Variants in SV2C observed in about 807,000 individuals in gnomAD.
The protein encoded by SV2C is solute carrier family 22 member B3.
In SV2C, 49 loss-of-function variants were observed where a neutral mutation model predicts 79.7. The observed-to-expected ratio is 0.61, with a 90% CI of 0.49 to 0.78. SV2C has a LOEUF of 0.78. SV2C is among the 30% of genes least tolerant of loss of function. The pLI is 0.00. For missense variants in SV2C, 833 were observed against 912.9 expected (o/e 0.91, Z 1.13); for synonymous variants, 334 against 333.2 (o/e 1.00, Z -0.03).
At chr5:76,205,317 A>G (rs1418380047) in intron 3 of SV2C, among the ~76,000 whole-genome samples, 1 of 152,130 alleles carries the variant, frequency 6.6e-6, no homozygotes, top group Non-Finnish European at 1.5e-5. Flanking sequence ...TTAAGGAATA[A>G]CTCCAACTCT....
the SV2C span, among the ~76,000 whole-genome samples, chr5:76,049,013 AAGAAAG>A: frequency 9.3e-6 from 1 of 107,372 alleles, no homozygotes; most frequent in African/African-American, 3.2e-5. Context: ...GAAAGAAAGA[AAGAAAG>A]AAAGAAAAAG....
At chr5:75,984,567 A>ATATCTATC in the SV2C span, among the ~76,000 whole-genome samples, 1,091 of 102,856 alleles carry the variant, frequency 0.011, 9 homozygotes, top group African/African-American at 0.016. Context: ...CTATCTATCT[A>ATATCTATC]TATCTATCTA....
chr5:75,954,567 T>C, the SV2C span, among the ~76,000 whole-genome samples: 1 of 150,332 alleles, frequency 6.7e-6, no homozygotes, highest in Admixed American at 6.6e-5. Context: ...GAGAAGGAAA[T>C]AAAGGGTATT....
chr5:76,108,155 A>G (rs1392473711), intron 1 of SV2C, among the ~76,000 whole-genome samples: 1 of 152,198 alleles, frequency 6.6e-6, no homozygotes, highest in Non-Finnish European at 1.5e-5. Flanking sequence ...ATTGACAGAG[A>G]GTGGGGAATC....
rs188267131 is a variant in SV2C at position 76,164,940 on chromosome 5, T to C, written c.581-29979T>C. 1.1e-3 allele frequency among the ~76,000 whole-genome samples: 165 copies of C among 152,288 alleles called. 1 individual carries two copies. Among genetic ancestry groups the C allele is most frequent in the Admixed American group, 2.0e-3 (31 of 15,290 alleles). On this transcript the variant is annotated intron_variant, in intron 2 of 12. Transcript: ENST00000502798. ...TCTCTAGATTACCTATAATATCTAA[T>C]AAAATGTATATGCTATGTAAATAGT... is the stretch of plus-strand genomic sequence containing the variant.
the SV2C span, among the ~76,000 whole-genome samples, chr5:76,030,624 C>T: frequency 1.2e-3 from 187 of 152,082 alleles, no homozygotes; most frequent in African/African-American, 4.4e-3. Flanking sequence ...TTGTAAGAAG[C>T]ACCATCCATG....
Position 76,209,793 on chromosome 5 carries a change from A to C in SV2C, c.819A>C (p.Glu273Asp). Residue 273 changes from glutamate to aspartate, a missense_variant, in exon 4 of 13, where the codon GAA (glutamate) becomes GAC (aspartate). By Grantham distance (45) the Glu-to-Asp change is conservative. Transcript: ENST00000502798. Reference sequence around the variant, plus strand: ...ACTTTGCTGAAGTCCTGGCCCGGGAAAAGCGGGGCGAACACTTGAGCTGGC... The same window carrying C: ...ACTTTGCTGAAGTCCTGGCCCGGGACAAGCGGGGCGAACACTTGAGCTGGC... Reference protein sequence around the residue: ...FSYFAEVLAREKRGEHLSWLC... With the variant: ...FSYFAEVLARDKRGEHLSWLC... 2.5e-6 allele frequency: 4 copies of C among 1,614,222 alleles called. No homozygotes were observed. Among genetic ancestry groups the C allele is most frequent in the Non-Finnish European group, 3.4e-6 (4 of 1,180,038 alleles).
the SV2C span, among the ~76,000 whole-genome samples, chr5:75,852,687 G>T: frequency 6.6e-6 from 1 of 152,096 alleles, no homozygotes; most frequent in South Asian, 2.1e-4. Flanking sequence ...TTAGCTGGGC[G>T]TGGTGGCAGG....
intron 4 of SV2C, among the ~76,000 whole-genome samples, chr5:76,258,014 AGT>A (rs1440546027): frequency 1.5e-5 from 2 of 134,448 alleles, no homozygotes; most frequent in Non-Finnish European, 1.6e-5. Context: ...GTGTGTGTGT[AGT>A]GTGTGGGGTG....
At chr5:76,340,279 C>T (rs1044317570) in intron 12 of SV2C, among the ~76,000 whole-genome samples, 4 of 152,184 alleles carry the variant, frequency 2.6e-5, no homozygotes, top group African/African-American at 4.8e-5. Context: ...AATAACTATA[C>T]GTATCCTTAG....
intron 4 of SV2C, among the ~76,000 whole-genome samples, chr5:76,219,847 G>A (rs775917384): frequency 2.6e-5 from 4 of 152,214 alleles, no homozygotes; most frequent in Non-Finnish European, 5.9e-5. Context: ...TTGTGGAATT[G>A]AAGTCTGAAC....
In SV2C at chr5:76,215,621, C is replaced by T. The variant is rs567149727; in HGVS notation, c.913+5734C>T. 7.9e-5 allele frequency among the ~76,000 whole-genome samples: 12 copies of T among 152,308 alleles called. No homozygotes were observed. In the East Asian group the frequency reaches 2.3e-3, roughly 29 times the overall value. ...TAAATGATGCCACAGTCCACAGAAA[C>T]AAGAGCGGGTCCGCCCCTGCTGCTC... On this transcript the variant is annotated intron_variant, in intron 4 of 12. Transcript: ENST00000502798.
At chr5:76,309,383 G>C (rs897643837) in intron 12 of SV2C, among the ~76,000 whole-genome samples, 1 of 151,914 alleles carries the variant, frequency 6.6e-6, no homozygotes, top group Non-Finnish European at 1.5e-5. Context: ...GGCGGATTAC[G>C]AGGTCAGGAG....
intron 1 of SV2C, among the ~76,000 whole-genome samples, chr5:76,099,660 A>G (rs1267372358): frequency 6.6e-6 from 1 of 152,236 alleles, no homozygotes; most frequent in Non-Finnish European, 1.5e-5. Flanking sequence ...TCAACATAAC[A>G]TCTTCTCAGG....
At chr5:75,933,948 T>G in the SV2C span, among the ~76,000 whole-genome samples, 1 of 152,214 alleles carries the variant, frequency 6.6e-6, no homozygotes. Flanking sequence ...TAAAACAGGA[T>G]CAAGATTCAA....
chr5:75,879,467 G>A, the SV2C span, among the ~76,000 whole-genome samples: 1 of 150,180 alleles, frequency 6.7e-6, no homozygotes, highest in Non-Finnish European at 1.5e-5. Context: ...TGGGCCCCAT[G>A]AGAGTCTGAA....
chr5:75,970,269 G>A, the SV2C span, among the ~76,000 whole-genome samples: 6 of 151,912 alleles, frequency 3.9e-5, no homozygotes, highest in African/African-American at 1.2e-4. Flanking sequence ...AAGAACTAGA[G>A]AAGCAAGAGC....
chr5:76,145,851 A>T (rs916640689), intron 2 of SV2C, among the ~76,000 whole-genome samples: 6 of 152,310 alleles, frequency 3.9e-5, no homozygotes, highest in Admixed American at 6.5e-5. Context: ...ACACAGTTTC[A>T]CCTTCACATT....
At chr5:75,873,146 G>T in the SV2C span, among the ~76,000 whole-genome samples, 1 of 152,086 alleles carries the variant, frequency 6.6e-6, no homozygotes, top group Non-Finnish European at 1.5e-5. Context: ...GGTAATCTAT[G>T]TAGTAAAGTG....
Sources: gnomAD v4.1 joint callset for allele counts (sites outside exome capture counted in the v4.1 genomes callset) on GRCh38, gnomAD v4.1.1 for gene constraint, MANE v1.5 for transcripts, NCBI Gene and HGNC (gene_info 2026-07-23, HGNC 2026-07-21) for gene names.